DLGAP2: variants seen among roughly 807,000 people sequenced by gnomAD.
The protein encoded by DLGAP2 is DLG associated protein 2.
DLGAP2 carries 26 observed loss-of-function variants against 100.3 expected under a neutral mutation model. The ratio of observed to expected loss-of-function variants is 0.26; its 90% confidence interval spans 0.19 to 0.36. The LOEUF (loss-of-function observed/expected upper bound fraction) is 0.36. Ranked by LOEUF, DLGAP2 falls within the 10% of genes least tolerant of loss-of-function variation. DLGAP2 has a pLI of 1.00. For missense variants in DLGAP2, 1,858 were observed against 1,453.2 expected, an observed-to-expected ratio of 1.28 and a Z score of -4.53; for synonymous variants, 886 against 630.1, an observed-to-expected ratio of 1.41 and a Z score of -6.08.
chr8:1,409,057 A>C (rs995401088), intron 3 of DLGAP2, among the ~76,000 whole-genome samples: 1 of 152,220 alleles, frequency 6.6e-6, no homozygotes, highest in Admixed American at 6.5e-5. Context: ...ACCACTGCCC[A>C]ACCCCTTCCT....
At chr8:1,644,897 G>C (rs1292471554) in intron 8 of DLGAP2, among the ~76,000 whole-genome samples, 1 of 152,100 alleles carries the variant, frequency 6.6e-6, no homozygotes, top group Non-Finnish European at 1.5e-5. Flanking sequence ...AAAACATTGA[G>C]AAAAAAATAC....
chr8:1,023,458 G>A (rs1563149851), intron 2 of DLGAP2, among the ~76,000 whole-genome samples: 1 of 152,162 alleles, frequency 6.6e-6, no homozygotes, highest in Admixed American at 6.5e-5. Flanking sequence ...AGCCTCCCCT[G>A]TAGCGGGCAC....
intron 1 of DLGAP2, among the ~76,000 whole-genome samples, chr8:869,430 CA>C (rs1797557134): frequency 6.6e-6 from 1 of 152,130 alleles, no homozygotes; most frequent in Non-Finnish European, 1.5e-5. Context: ...TCTCTTTCAG[CA>C]AAAGAAAATT....
At chr8:1,231,340 G>C (rs1648054477) in intron 2 of DLGAP2, among the ~76,000 whole-genome samples, 1 of 152,212 alleles carries the variant, frequency 6.6e-6, no homozygotes, top group South Asian at 2.1e-4. Context: ...AAAAACAACA[G>C]ATGCTGGTGA....
At chr8:1,389,912 A>G (rs986405519) in intron 3 of DLGAP2, among the ~76,000 whole-genome samples, 1 of 152,140 alleles carries the variant, frequency 6.6e-6, no homozygotes, top group Non-Finnish European at 1.5e-5. Flanking sequence ...CAGGCGTCCC[A>G]CAGAGAGGGG....
intron 2 of DLGAP2, among the ~76,000 whole-genome samples, chr8:973,373 G>A (rs1293273010): frequency 1.3e-5 from 2 of 149,812 alleles, no homozygotes; most frequent in South Asian, 2.1e-4. Context: ...GCTGCCGGGC[G>A]GAGGGGCTCC....
Position 1,282,594 on chromosome 8 carries a change from G to A in DLGAP2, c.106+23711G>A, listed in dbSNP as rs1799839485. On this transcript the variant is annotated intron_variant, in intron 3 of 14. Transcript: ENST00000637795. ...CACATGAACCATCTGGACATGGTGT[G>A]ACCTGAACCCAGCACGTGAACCATC... Among the ~76,000 whole-genome samples, 3 of 121,926 alleles carry A rather than the reference G, an allele frequency of 2.5e-5. No individual in the cohort carries two copies. In the South Asian group the frequency reaches 8.6e-4, roughly 35 times the overall value. 80.0% of individuals were successfully genotyped at this position (121,926 alleles called of 152,430 possible).
At chr8:1,027,677 G>A (rs1438552831) in intron 2 of DLGAP2, among the ~76,000 whole-genome samples, 3 of 146,020 alleles carry the variant, frequency 2.1e-5, no homozygotes, top group Non-Finnish European at 3.0e-5. Context: ...CTCCAGCTGG[G>A]GTGCCAGGCG....
intron 1 of DLGAP2, among the ~76,000 whole-genome samples, chr8:903,018 T>TG (rs1386848760): frequency 5.3e-3 from 28 of 5,276 alleles, no homozygotes; most frequent in African/African-American, 0.021. Flanking sequence ...TGGGCAGGGG[T>TG]GGGGGGTGGA....
At chr8:946,914 C>G (rs1173281969) in intron 2 of DLGAP2, among the ~76,000 whole-genome samples, 2 of 152,196 alleles carry the variant, frequency 1.3e-5, no homozygotes, top group Non-Finnish European at 2.9e-5. Context: ...GGAGGAAAAG[C>G]CACCGGCCGC....
chr8:898,888 G>A (rs1445857131), intron 1 of DLGAP2, among the ~76,000 whole-genome samples: 3 of 152,182 alleles, frequency 2.0e-5, no homozygotes, highest in Non-Finnish European at 2.9e-5. Context: ...TGAGCCCTGC[G>A]CATCAGAGAA....
chr8:1,155,425 C>A (rs1261430197), intron 2 of DLGAP2, among the ~76,000 whole-genome samples: 1 of 152,178 alleles, frequency 6.6e-6, no homozygotes. Flanking sequence ...GGGATCGCGG[C>A]GGGCGCACCG....
intron 2 of DLGAP2, among the ~76,000 whole-genome samples, chr8:1,153,141 C>A (rs1344833835): frequency 6.6e-6 from 1 of 152,190 alleles, no homozygotes; most frequent in Non-Finnish European, 1.5e-5. Context: ...TTCCACTTTT[C>A]TTCCTGCAAA....
At chr8:1,265,060 A>G (rs139501748) in intron 3 of DLGAP2, among the ~76,000 whole-genome samples, 1 of 152,204 alleles carries the variant, frequency 6.6e-6, no homozygotes, top group African/African-American at 2.4e-5. Flanking sequence ...CTTTTTAAAA[A>G]TAAATTACCC....
intron 3 of DLGAP2, among the ~76,000 whole-genome samples, chr8:1,308,131 G>C (rs1440812611): frequency 6.6e-6 from 1 of 152,206 alleles, no homozygotes; most frequent in Non-Finnish European, 1.5e-5. Context: ...CACCTCAAGT[G>C]GTCCCTGGGC....
chr8:1,273,832 A>G (rs1453280576), intron 3 of DLGAP2, among the ~76,000 whole-genome samples: 1 of 152,234 alleles, frequency 6.6e-6, no homozygotes, highest in Admixed American at 6.5e-5. Context: ...GGCTAGAATG[A>G]CATTGGTGTA....
intron 3 of DLGAP2, among the ~76,000 whole-genome samples, chr8:1,329,737 G>A (rs901198549): frequency 1.3e-5 from 2 of 152,196 alleles, no homozygotes; most frequent in Non-Finnish European, 2.9e-5. Context: ...AGACCCTGGG[G>A]CTTGGGGTGC....
chr8:823,359 G>C (rs1218675530), intron 1 of DLGAP2, among the ~76,000 whole-genome samples: 2 of 151,766 alleles, frequency 1.3e-5, no homozygotes, highest in Non-Finnish European at 2.9e-5. Context: ...CTTTCCCCCT[G>C]ATCAGAAAAG....
At chr8:1,506,885 T>G (rs1031427681) in intron 4 of DLGAP2, among the ~76,000 whole-genome samples, 1 of 151,946 alleles carries the variant, frequency 6.6e-6, no homozygotes, top group Non-Finnish European at 1.5e-5. Flanking sequence ...TTTACAAACC[T>G]TGAGCTAGAC....
Sources: gnomAD v4.1 joint callset for allele counts (sites outside exome capture counted in the v4.1 genomes callset) on GRCh38, gnomAD v4.1.1 for gene constraint, MANE v1.5 for transcripts, NCBI Gene and HGNC (gene_info 2026-07-23, HGNC 2026-07-21) for gene names.